Variants in CEMIP observed in about 807,000 individuals in gnomAD.
The protein encoded by CEMIP is cell migration-inducing and hyaluronan-binding protein.
Under a neutral mutation model 156.9 loss-of-function variants are expected in CEMIP, and 105 were observed. The observed-to-expected ratio is 0.67, with a 90% CI of 0.57 to 0.79. The LOEUF is 0.79. CEMIP is among the 30% of genes least tolerant of loss of function. The pLI is 0.00. For synonymous variants in CEMIP, 676 were observed against 668.4 expected, an observed-to-expected ratio of 1.01 and a Z score of -0.17; for missense variants, 1,457 against 1,769.4, an observed-to-expected ratio of 0.82 and a Z score of 3.17.
At chr15:80,924,851 A>G (rs1231868780) in intron 18 of CEMIP, 145 bp downstream of exon 18, 1 of 778,952 alleles carries the variant, frequency 1.3e-6, no homozygotes. Context: ...TGGGGGTACA[A>G]TGGTGAAAAC....
chr15:80,874,072 G>A lies in CEMIP; in HGVS notation c.94+99G>A, dbSNP rs76566167. Reference sequence around the variant, plus strand: ...TTTGGGGGAGCCAGGAGAAGGAGCCGTGGGAGTGGGTCAGGGTGCCTGGGC... The same window carrying A: ...TTTGGGGGAGCCAGGAGAAGGAGCCATGGGAGTGGGTCAGGGTGCCTGGGC... On this transcript the variant is annotated intron_variant, in intron 3 of 29. Transcript: ENST00000394685. 1.3e-3 allele frequency: 1,495 copies of A among 1,132,984 alleles called. 11 individuals are homozygous for A. The African/African-American group carries it at 0.021, about 16-fold the overall frequency. The allele number at this position is 1,132,984 out of a possible 1,614,324, so 70.2% of individuals were successfully genotyped here.
At chr15:80,943,856 G>A (rs1157780452) in intron 28 of CEMIP, among the ~76,000 whole-genome samples, 1 of 152,096 alleles carries the variant, frequency 6.6e-6, no homozygotes, top group African/African-American at 2.4e-5. Context: ...CATATTGGCC[G>A]CTGGTTTAAA....
rs772961613 is a variant in CEMIP at position 80,936,735 on chromosome 15, C to T, written c.3071C>T (p.Pro1024Leu). The T allele has an allele frequency of 2.5e-6, 4 of 1,614,184 alleles. No individual in the cohort carries two copies. The highest frequency in any genetic ancestry group is 1.7e-6 in the Non-Finnish European group (2 of 1,180,038). Residue 1024 changes from proline (P) to leucine (L), a missense_variant, in exon 24 of 30, where the codon CCC (proline) becomes CTC (leucine). By Grantham distance (98) the Pro-to-Leu change is moderately conservative. This residue lies in a region of CEMIP where 798 missense variants were observed against 980.1 expected (regional missense o/e 0.81). Coordinates refer to ENST00000394685, the MANE Select transcript of CEMIP (RefSeq NM_001293298.2). The part of the protein sequence containing the change: ...LRMKIIKNDF[P>L]SHPLYLEGAL... ...ATGAAGATCATCAAGAATGACTTCC[C>T]CAGCCACCCTCTTTACCTGGAGGGG...
chr15:80,834,645 A>G (rs1897230611), intron 1 of CEMIP, among the ~76,000 whole-genome samples: 1 of 152,238 alleles, frequency 6.6e-6, no homozygotes, highest in African/African-American at 2.4e-5. Context: ...TCCTTGTAAC[A>G]ATACTACGCT....
intron 1 of CEMIP, among the ~76,000 whole-genome samples, chr15:80,809,179 G>C (rs1037862777): frequency 6.6e-6 from 1 of 152,164 alleles, no homozygotes; most frequent in African/African-American, 2.4e-5. Flanking sequence ...TATCAGGGAA[G>C]AGCACAGGAA....
intron 2 of CEMIP, 43 bp from the exon 3 acceptor site, chr15:80,873,821 C>G: frequency 7.0e-7 from 1 of 1,429,666 alleles, no homozygotes. Flanking sequence ...CTGATTCCAG[C>G]CTGCCAAGGC....
At chr15:80,818,633 G>A (rs1452622886) in intron 1 of CEMIP, among the ~76,000 whole-genome samples, 1 of 152,194 alleles carries the variant, frequency 6.6e-6, no homozygotes, top group African/African-American at 2.4e-5. Context: ...CCACGATGTA[G>A]CAGTGGTCCA....
intron 8 of CEMIP, 85 bp from the exon 9 acceptor site, chr15:80,888,616 G>A (rs547081439): frequency 4.7e-5 from 48 of 1,021,754 alleles, no homozygotes; most frequent in Middle Eastern, 4.4e-4. Context: ...GCCCATGTGC[G>A]TAGGGGGGTT....
intron 1 of CEMIP, among the ~76,000 whole-genome samples, chr15:80,844,884 A>G (rs974618435): frequency 6.6e-6 from 1 of 152,174 alleles, no homozygotes; most frequent in African/African-American, 2.4e-5. Flanking sequence ...CAGGGTGCCC[A>G]TGGGCAGGAC....
intron 1 of CEMIP, among the ~76,000 whole-genome samples, chr15:80,840,117 G>C (rs1233812881): frequency 2.0e-5 from 3 of 152,168 alleles, no homozygotes; most frequent in African/African-American, 4.8e-5. Flanking sequence ...TGGAAAGGGG[G>C]GTGTCTAAGT....
At chr15:80,829,971 T>TGG (rs1897120790) in intron 1 of CEMIP, among the ~76,000 whole-genome samples, 1 of 130,760 alleles carries the variant, frequency 7.6e-6, no homozygotes, top group African/African-American at 2.8e-5. Flanking sequence ...AGCGGGTGTG[T>TGG]GTGTGTGTGT....
intron 1 of CEMIP, among the ~76,000 whole-genome samples, chr15:80,796,625 A>T (rs1338650818): frequency 1.3e-5 from 2 of 152,224 alleles, no homozygotes; most frequent in African/African-American, 2.4e-5. Context: ...AAGGCTTGAG[A>T]GCTCTGAGTC....
In CEMIP at chr15:80,949,090, G is replaced by A. The variant is rs566928195; in HGVS notation, c.*166G>A. The A allele has an allele frequency of 5.3e-5, 46 of 871,686 alleles. No homozygotes were observed. The African/African-American group carries it at 7.1e-4, about 13-fold the overall frequency. The allele number at this position is 871,686 out of a possible 1,614,324, so 54.0% of individuals were successfully genotyped here. ...GAAGGCTATCAGAGACCCTGGTGCT[G>A]CCACCTGCCCCTACTCAAGTGTCTA... On this transcript the variant is annotated 3_prime_UTR_variant, in exon 30 of 30. Coordinates refer to ENST00000394685, the MANE Select transcript of CEMIP (RefSeq NM_001293298.2).
At chr15:80,789,007 T>G (rs564151919) in intron 1 of CEMIP, among the ~76,000 whole-genome samples, 1 of 152,362 alleles carries the variant, frequency 6.6e-6, no homozygotes, top group African/African-American at 2.4e-5. Context: ...CATTGCACTA[T>G]TCTTTATATT....
At chr15:80,820,716 G>A (rs1323435597) in intron 1 of CEMIP, among the ~76,000 whole-genome samples, 3 of 152,198 alleles carry the variant, frequency 2.0e-5, no homozygotes, top group African/African-American at 7.2e-5. Flanking sequence ...TGAGAACTAG[G>A]TAACTGTAGT....
In CEMIP at chr15:80,870,200, C is replaced by CTAG. The variant is rs566173269; in HGVS notation, c.-175-3337_-175-3335dup. On this transcript the variant is annotated intron_variant, in intron 1 of 29. Transcript: ENST00000394685. ...TGCTAGTCACTGAGCTGAACCTTGC[C>CTAG]TAGGTTTGCCTAAAGCAAGAATCAC... Among the ~76,000 whole-genome samples, 105 of 152,288 alleles carry CTAG rather than the reference C, an allele frequency of 6.9e-4. No individual in the cohort carries two copies. In the South Asian group the frequency reaches 8.9e-3, roughly 13 times the overall value.
rs867381613 is a variant in CEMIP at position 80,910,588 on chromosome 15, C to A, written c.1797+1282C>A. On this transcript the variant is annotated intron_variant, in intron 14 of 29. Transcript: ENST00000394685. ...GTGTTTTAAATGCTCTGATTTAAAA[C>A]CTCCCACTGAGTAAAGAGAAGAGAT... is the stretch of plus-strand genomic sequence containing the variant. Among the ~76,000 whole-genome samples, 8 of 152,322 alleles carry A rather than the reference C, an allele frequency of 5.3e-5. No homozygotes were observed. In the South Asian group the frequency reaches 6.2e-4, roughly 12 times the overall value.
intron 1 of CEMIP, among the ~76,000 whole-genome samples, chr15:80,835,091 G>C (rs1897242120): frequency 1.3e-5 from 2 of 151,950 alleles, no homozygotes; most frequent in Non-Finnish European, 2.9e-5. Flanking sequence ...CAGAGAGAGA[G>C]AGAGAGAGAG....
chr15:80,927,276 T>C (rs977849835), intron 19 of CEMIP, among the ~76,000 whole-genome samples: 1 of 152,158 alleles, frequency 6.6e-6, no homozygotes, highest in Admixed American at 6.5e-5. Flanking sequence ...GCAGAAGTGA[T>C]AGGCATGAAG....
Sources: gnomAD v4.1 joint callset for allele counts (sites outside exome capture counted in the v4.1 genomes callset) on GRCh38, gnomAD v4.1.1 for gene constraint, gnomAD v4.1.1 regional missense constraint, MANE v1.5 for transcripts, NCBI Gene and HGNC (gene_info 2026-07-23, HGNC 2026-07-21) for gene names.